SLC35F3: variants seen among roughly 807,000 people sequenced by gnomAD.
The protein encoded by SLC35F3 is putative thiamine transporter SLC35F3.
A neutral mutation model predicts 49.9 loss-of-function variants in SLC35F3; 25 were observed. That is an observed-to-expected ratio of 0.50 (90% confidence interval 0.37 to 0.70). The LOEUF is 0.70. SLC35F3 is among the 30% of genes least tolerant of loss of function. The probability of loss-of-function intolerance (pLI) is 0.00; values close to 1 mark genes in which losing one functional copy is unlikely to be tolerated. For synonymous variants in SLC35F3, 275 were observed against 265.4 expected, an observed-to-expected ratio of 1.04 and a Z score of -0.35; for missense variants, 525 against 639.8, an observed-to-expected ratio of 0.82 and a Z score of 1.94.
intron 2 of SLC35F3, among the ~76,000 whole-genome samples, chr1:234,183,619 G>A (rs1449885439): frequency 1.4e-5 from 2 of 142,710 alleles, no homozygotes; most frequent in African/African-American, 4.9e-5. Context: ...TCGCTGGCCT[G>A]GTCGACTGAG....
chr1:234,301,568 T>C (rs522945), intron 3 of SLC35F3, among the ~76,000 whole-genome samples: 98,098 of 152,086 alleles, frequency 0.65, 31,953 homozygotes, highest in Middle Eastern at 0.81. Flanking sequence ...TGTGGAGAAA[T>C]AGGAACTTTT....
chr1:234,080,846 A>G (rs1017536715), intron 2 of SLC35F3, among the ~76,000 whole-genome samples: 2 of 152,242 alleles, frequency 1.3e-5, no homozygotes, highest in African/African-American at 2.4e-5. Flanking sequence ...GGTGATGAGT[A>G]TACCACATCA....
intron 2 of SLC35F3, among the ~76,000 whole-genome samples, chr1:233,906,617 C>T (rs1661781531): frequency 6.6e-6 from 1 of 152,252 alleles, no homozygotes; most frequent in East Asian, 1.9e-4. Flanking sequence ...TGGGCCTTGA[C>T]GTCTTTCATT....
intron 2 of SLC35F3, among the ~76,000 whole-genome samples, chr1:234,119,794 CAT>C (rs1665546080): frequency 6.6e-6 from 1 of 152,198 alleles, no homozygotes; most frequent in South Asian, 2.1e-4. Flanking sequence ...CTGAAAATAG[CAT>C]AGTTGCCTAT....
rs752905987 is a variant in SLC35F3, at chr1:234,323,104, A to G, written c.1334A>G (p.Glu445Gly). 2.9e-5 allele frequency: 46 copies of G among 1,614,008 alleles called. No homozygotes were observed. Among genetic ancestry groups the G allele is most frequent in the Non-Finnish European group, 3.6e-5 (42 of 1,180,044 alleles). Residue 445 changes from glutamate to glycine, a missense_variant, in exon 8 of 8, where the codon GAG (glutamate) becomes GGG (glycine). Around this residue, in one of 4 missense-constraint regions of SLC35F3, gnomAD observed 76 missense variants for 95.6 expected, o/e 0.80. Coordinates refer to ENST00000366618, the MANE Select transcript of SLC35F3 (RefSeq NM_173508.4). The surrounding 1 kb of genome is among the most constrained non-coding windows in gnomAD (Gnocchi z 4.5). Reference protein sequence around the residue: ...GLGFLLLLLPEEWDVWLIKLL... With the variant: ...GLGFLLLLLPGEWDVWLIKLL... ...GGTTTTCTCCTCCTGCTCCTGCCAGAGGAGTGGGATGTCTGGTTGATCAAG... is the reference window on the plus strand; with the variant it reads ...GGTTTTCTCCTCCTGCTCCTGCCAGGGGAGTGGGATGTCTGGTTGATCAAG...
chr1:233,986,664 T>TA (rs1262760331), intron 2 of SLC35F3, among the ~76,000 whole-genome samples: 2 of 152,252 alleles, frequency 1.3e-5, no homozygotes, highest in Non-Finnish European at 2.9e-5. Context: ...TGAATGATTT[T>TA]AACATTTGCT....
chr1:234,172,349 C>T (rs574564922), intron 2 of SLC35F3, among the ~76,000 whole-genome samples: 1 of 152,316 alleles, frequency 6.6e-6, no homozygotes, highest in African/African-American at 2.4e-5. Context: ...GACTCAGCCT[C>T]CCAAGTAGCT....
At chr1:233,961,214 G>T (rs569630953) in intron 2 of SLC35F3, among the ~76,000 whole-genome samples, 1 of 152,054 alleles carries the variant, frequency 6.6e-6, no homozygotes, top group Non-Finnish European at 1.5e-5. Context: ...CTGAATGCTC[G>T]AACAGGTGGG....
intron 2 of SLC35F3, among the ~76,000 whole-genome samples, chr1:234,174,506 C>T (rs2102920574): frequency 6.6e-6 from 1 of 152,346 alleles, no homozygotes; most frequent in African/African-American, 2.4e-5. Flanking sequence ...CCCGCCCTGT[C>T]TCTGAGAGAG....
rs185954781 is a variant in SLC35F3, at chr1:234,074,911, C to T, written c.284-156506C>T. 3.9e-5 allele frequency among the ~76,000 whole-genome samples: 6 copies of T among 152,220 alleles called. No individual in the cohort carries two copies. In the East Asian group the frequency reaches 9.7e-4, roughly 25 times the overall value. On this transcript the variant is annotated intron_variant, in intron 2 of 7. Coordinates refer to ENST00000366618, the MANE Select transcript of SLC35F3 (RefSeq NM_173508.4). Reference sequence around the variant, plus strand: ...TGAGATGTCTGGGGAGGAGCTGAGACTGAAATAAGGAAAGTCAACTAAAGG... The same window carrying T: ...TGAGATGTCTGGGGAGGAGCTGAGATTGAAATAAGGAAAGTCAACTAAAGG...
At chr1:234,301,080 G>A (rs1007412247) in intron 3 of SLC35F3, among the ~76,000 whole-genome samples, 6 of 152,184 alleles carry the variant, frequency 3.9e-5, no homozygotes, top group African/African-American at 1.2e-4. Context: ...GAGTTTATTT[G>A]GGAAGGCTGA....
intron 2 of SLC35F3, among the ~76,000 whole-genome samples, chr1:234,042,073 C>G (rs548606100): frequency 6.6e-6 from 1 of 152,140 alleles, no homozygotes; most frequent in African/African-American, 2.4e-5. Context: ...GTCACTCTTC[C>G]CTGACGTCAA....
chr1:233,962,040 A>G (rs1662812946), intron 2 of SLC35F3, among the ~76,000 whole-genome samples: 1 of 151,938 alleles, frequency 6.6e-6, no homozygotes, highest in Non-Finnish European at 1.5e-5. Flanking sequence ...TCATTCATTC[A>G]TTCATTCTAA....
chr1:233,940,029 G>T (rs1013848279), intron 2 of SLC35F3, among the ~76,000 whole-genome samples: 5 of 152,050 alleles, frequency 3.3e-5, no homozygotes, highest in African/African-American at 1.2e-4. Context: ...CCCTAGAGGT[G>T]ACCACTATTT....
chr1:234,240,261 G>A (rs1009606512), intron 3 of SLC35F3, among the ~76,000 whole-genome samples: 23 of 152,164 alleles, frequency 1.5e-4, no homozygotes, highest in African/African-American at 5.6e-4. Context: ...CTTGAGCCCA[G>A]GAGTTCGAGA....
At chr1:234,123,638 G>T (rs535287949) in intron 2 of SLC35F3, among the ~76,000 whole-genome samples, 1 of 147,586 alleles carries the variant, frequency 6.8e-6, no homozygotes, top group East Asian at 2.1e-4. Flanking sequence ...GGCTATTCTT[G>T]AACTCCTGGG....
At chr1:234,065,463 A>G (rs1032729156) in intron 2 of SLC35F3, among the ~76,000 whole-genome samples, 1 of 152,198 alleles carries the variant, frequency 6.6e-6, no homozygotes, top group Admixed American at 6.5e-5. Context: ...CTTATTTTTT[A>G]AAATAAATTG....
At chr1:234,273,185 A>G (rs573639473) in intron 3 of SLC35F3, among the ~76,000 whole-genome samples, 24 of 152,266 alleles carry the variant, frequency 1.6e-4, no homozygotes, top group Middle Eastern at 3.4e-3. Flanking sequence ...CCTACCTTCA[A>G]TGCATCGATT....
At chr1:234,018,423 C>T (rs752800560) in intron 2 of SLC35F3, among the ~76,000 whole-genome samples, 1 of 152,166 alleles carries the variant, frequency 6.6e-6, no homozygotes, top group African/African-American at 2.4e-5. Flanking sequence ...GCATGTCCCC[C>T]GATTTCTCTT....
Sources: allele counts gnomAD v4.1 joint callset (sites outside exome capture counted in the v4.1 genomes callset), GRCh38; gene constraint gnomAD v4.1.1; regional missense constraint gnomAD v4.1.1; non-coding constraint Gnocchi (gnomAD v3.1); transcripts MANE v1.5; gene names NCBI Gene and HGNC (gene_info 2026-07-23, HGNC 2026-07-21).